The following RBMS1 variants were observed in gnomAD, a reference collection of about 807,000 sequenced individuals.
RBMS1 encodes RNA-binding motif, single-stranded-interacting protein 1.
Under a neutral mutation model 62.3 loss-of-function variants are expected in RBMS1, and 17 were observed. The observed-to-expected ratio is 0.27, with a 90% CI of 0.19 to 0.41. The LOEUF (loss-of-function observed/expected upper bound fraction) is 0.41, where lower values mean the gene tolerates loss of function less well. Among genes scored for constraint, RBMS1 ranks in the 10% least tolerant of loss-of-function variants. The pLI is 1.00. For missense variants in RBMS1, 334 were observed against 504.5 expected, an observed-to-expected ratio of 0.66 and a Z score of 3.24; for synonymous variants, 172 against 170.0, an observed-to-expected ratio of 1.01 and a Z score of -0.09.
intron 1 of RBMS1, among the ~76,000 whole-genome samples, chr2:160,382,961 C>T (rs1025710527): frequency 3.3e-5 from 5 of 151,944 alleles, no homozygotes; most frequent in Admixed American, 6.6e-5. Context: ...TGTCAGGAAA[C>T]GTAAAATGTA....
intron 2 of RBMS1, among the ~76,000 whole-genome samples, chr2:160,355,170 C>G (rs527603966): frequency 1.3e-5 from 2 of 152,124 alleles, no homozygotes; most frequent in African/African-American, 4.8e-5. Context: ...TCACTGCTGA[C>G]CATACAGGCT....
At chr2:160,469,941 G>T (rs1173780617) in intron 1 of RBMS1, among the ~76,000 whole-genome samples, 1 of 152,192 alleles carries the variant, frequency 6.6e-6, no homozygotes, top group Non-Finnish European at 1.5e-5. Context: ...AAAATGTCTG[G>T]CCTGTACTGG....
chr2:160,281,453 TC>T (rs1688101704), intron 9 of RBMS1, 89 bp from the exon 10 acceptor site: 2 of 1,109,816 alleles, frequency 1.8e-6, no homozygotes, highest in African/African-American at 3.2e-5. Flanking sequence ...ATGTTAAAAA[TC>T]TACAGAAAGA....
intron 4 of RBMS1, among the ~76,000 whole-genome samples, chr2:160,308,826 A>G (rs1296687101): frequency 6.6e-6 from 1 of 152,206 alleles, no homozygotes; most frequent in Non-Finnish European, 1.5e-5. Context: ...AGCGCTGTAG[A>G]CACGACATAT....
chr2:160,348,739 A>G (rs1204783780), intron 2 of RBMS1, among the ~76,000 whole-genome samples: 1 of 152,174 alleles, frequency 6.6e-6, no homozygotes, highest in African/African-American at 2.4e-5. Context: ...TGAGTCTGGA[A>G]TGCAAGTGAT....
intron 1 of RBMS1, among the ~76,000 whole-genome samples, chr2:160,478,195 G>A (rs755316404): frequency 3.3e-5 from 5 of 152,200 alleles, no homozygotes; most frequent in Non-Finnish European, 5.9e-5. Flanking sequence ...CAGATAGCAC[G>A]ATTTTAAATT....
intron 1 of RBMS1, among the ~76,000 whole-genome samples, chr2:160,426,586 A>G (rs540741323): frequency 6.6e-6 from 1 of 152,348 alleles, no homozygotes; most frequent in South Asian, 2.1e-4. Context: ...TCTTATAAAA[A>G]GTGGATATAG....
chr2:160,289,857 C>T (rs993032599), intron 6 of RBMS1, among the ~76,000 whole-genome samples: 1 of 151,404 alleles, frequency 6.6e-6, no homozygotes. Context: ...TTATTCATTA[C>T]AAAGATTGTC....
At chr2:160,436,907 G>T (rs1208168211) in intron 1 of RBMS1, among the ~76,000 whole-genome samples, 1 of 152,114 alleles carries the variant, frequency 6.6e-6, no homozygotes, top group South Asian at 2.1e-4. Flanking sequence ...TTTTCACATT[G>T]TTTGAAGACA....
intron 1 of RBMS1, among the ~76,000 whole-genome samples, chr2:160,376,575 T>C (rs1694011554): frequency 6.6e-6 from 1 of 152,160 alleles, no homozygotes; most frequent in Non-Finnish European, 1.5e-5. Flanking sequence ...TGAGTGATAC[T>C]AGAACAGCTC....
intron 2 of RBMS1, among the ~76,000 whole-genome samples, chr2:160,348,731 A>G (rs1692321427): frequency 1.3e-5 from 2 of 152,160 alleles, no homozygotes; most frequent in South Asian, 4.1e-4. Flanking sequence ...CCTAATGATG[A>G]GTCTGGAATG....
chr2:160,431,025 A>G (rs1413184337), intron 1 of RBMS1, among the ~76,000 whole-genome samples: 1 of 150,998 alleles, frequency 6.6e-6, no homozygotes, highest in Non-Finnish European at 1.5e-5. Context: ...AGCAAGAGAA[A>G]GACACTGGAT....
chr2:160,285,131 C>A, intron 7 of RBMS1, 87 bp from the exon 8 acceptor site: 1 of 1,300,562 alleles, frequency 7.7e-7, no homozygotes, highest in Non-Finnish European at 1.1e-6. Flanking sequence ...GTGGTGTGCA[C>A]CTGTAGTCCC....
At chr2:160,415,903 T>C (rs1258946757) in intron 1 of RBMS1, among the ~76,000 whole-genome samples, 5 of 152,030 alleles carry the variant, frequency 3.3e-5, no homozygotes, top group African/African-American at 1.2e-4. Flanking sequence ...TGAAAAGCCT[T>C]TCATTCTCCC....
At chr2:160,400,931 T>C (rs1430385817) in intron 1 of RBMS1, among the ~76,000 whole-genome samples, 1 of 152,190 alleles carries the variant, frequency 6.6e-6, no homozygotes, top group Non-Finnish European at 1.5e-5. Flanking sequence ...AATGAATTCT[T>C]TGCAATTTCA....
chr2:160,363,187 A>G (rs2106019809), intron 2 of RBMS1, among the ~76,000 whole-genome samples: 1 of 152,206 alleles, frequency 6.6e-6, no homozygotes, highest in South Asian at 2.1e-4. Flanking sequence ...CTTTTAGGTA[A>G]CTCTGGGATA....
At chr2:160,445,937 A>G (rs954312702) in intron 1 of RBMS1, among the ~76,000 whole-genome samples, 4 of 152,066 alleles carry the variant, frequency 2.6e-5, no homozygotes, top group Non-Finnish European at 1.5e-5. Flanking sequence ...CTGTTCAGTG[A>G]TATCACTGCA....
chr2:160,294,210 T>C (rs574458013), intron 6 of RBMS1, among the ~76,000 whole-genome samples: 37 of 152,312 alleles, frequency 2.4e-4, no homozygotes, highest in Middle Eastern at 3.4e-3. Flanking sequence ...CAACAAACTA[T>C]AATATACATT....
intron 6 of RBMS1, among the ~76,000 whole-genome samples, chr2:160,300,353 G>T (rs374283488): frequency 1.3e-5 from 2 of 152,302 alleles, no homozygotes; most frequent in African/African-American, 4.8e-5. Flanking sequence ...ATCAAATGAA[G>T]GGAGGTTCAC....
Sources: gnomAD v4.1 joint callset for allele counts (sites outside exome capture counted in the v4.1 genomes callset) on GRCh38, gnomAD v4.1.1 for gene constraint, MANE v1.5 for transcripts, NCBI Gene and HGNC (gene_info 2026-07-23, HGNC 2026-07-21) for gene names.